PPP2R1B: variants seen among roughly 807,000 people sequenced by gnomAD.
PPP2R1B encodes serine/threonine-protein phosphatase 2A 65 kDa regulatory subunit A beta isoform.
A neutral mutation model predicts 72.7 loss-of-function variants in PPP2R1B; 58 were observed. That is an observed-to-expected ratio of 0.80 (90% CI 0.65 to 0.99). The LOEUF is 0.99. PPP2R1B is among the 50% of genes least tolerant of loss of function. The pLI, the probability that PPP2R1B is intolerant of heterozygous loss-of-function variation, is 0.00. For synonymous variants in PPP2R1B, 256 were observed against 264.6 expected, an observed-to-expected ratio of 0.97 and a Z score of 0.32; for missense variants, 695 against 733.6, an observed-to-expected ratio of 0.95 and a Z score of 0.61.
At chr11:111,735,335 C>T (rs1944308183), downstream of PPP2R1B, 1 of 152,230 alleles carries the variant, frequency 6.6e-6, no homozygotes, top group African/African-American at 2.4e-5. Context: ...CCTGCAATAA[C>T]AAGACTGACA....
chr11:111,725,599 C>G (rs1258844536), downstream of PPP2R1B: 1 of 152,674 alleles, frequency 6.5e-6, no homozygotes, highest in Non-Finnish European at 1.5e-5. Context: ...CTTGTCCCAT[C>G]AGCAGATGAA....
chr11:111,735,944 G>A (rs748695157), downstream of PPP2R1B, among the ~76,000 whole-genome samples: 38 of 152,248 alleles, frequency 2.5e-4, 1 homozygote, highest in Admixed American at 1.5e-3. Context: ...TCTCACCCTC[G>A]GGTCATTTTC....
rs151299858 is a variant in PPP2R1B at position 111,752,269 on chromosome 11, G to A, written c.1228C>T (p.Arg410Cys). The A allele has an allele frequency of 2.2e-5, 36 of 1,613,920 alleles. No homozygotes were observed. Among genetic ancestry groups the A allele is most frequent in the Middle Eastern group, 1.6e-4 (1 of 6,084 alleles). Residue 410 changes from arginine (R) to cysteine (C), a missense_variant, in exon 10 of 15, where the codon CGT becomes TGT. Physicochemically the swap from Arg to Cys is radical, Grantham distance 180. Transcript: ENST00000527614. Reference sequence around the variant, plus strand: ...GGAAGGAGAGACTGAGAGAGCTGACGGATTCCAATCACTTCATTTACACAA... The same window carrying A: ...GGAAGGAGAGACTGAGAGAGCTGACAGATTCCAATCACTTCATTTACACAA... ...LDCVNEVIGI[R>C]QLSQSLLPAI... is the part of the protein sequence containing the mutation.
At chr11:111,703,962 C>T in the PPP2R1B span, among the ~76,000 whole-genome samples, 2 of 152,094 alleles carry the variant, frequency 1.3e-5, no homozygotes, top group Admixed American at 6.6e-5. Flanking sequence ...TTTCTGTCCT[C>T]GAATAGTTAG....
Position 111,739,014 on chromosome 11 carries a change from C to A in PPP2R1B, c.*2582G>T, listed in dbSNP as rs1944431086. The A allele has an allele frequency of 6.1e-6, 6 of 984,508 alleles. No homozygotes were observed. Among genetic ancestry groups the A allele is most frequent in the Non-Finnish European group, 4.8e-6 (4 of 829,798 alleles). The allele number at this position is 984,508 out of a possible 1,614,324, so 61.0% of individuals were successfully genotyped here. A position where few individuals can be genotyped will look rare whatever the true frequency, so the allele number is the denominator to read the frequency against. On this transcript the variant is annotated 3_prime_UTR_variant, in exon 15 of 15. Coordinates refer to ENST00000527614, the MANE Select transcript of PPP2R1B (RefSeq NM_002716.5). ...ACATGTCTGAAGCAATCAGACAAAT[C>A]CACACAGAACTGTAGTCTAAGCCAG...
At chr11:111,732,247 T>C (rs922274934) in intron 15 of PPP2R1B, among the ~76,000 whole-genome samples, 1 of 152,184 alleles carries the variant, frequency 6.6e-6, no homozygotes, top group African/African-American at 2.4e-5. Flanking sequence ...CCCCTTGACA[T>C]GCAAGCTATG....
downstream of PPP2R1B, chr11:111,737,771 C>T (rs1224458898): frequency 2.3e-6 from 3 of 1,324,222 alleles, no homozygotes; most frequent in Non-Finnish European, 3.0e-6. Context: ...CCTCGGGGCC[C>T]TGGAAAGCGC....
At chr11:111,750,629 C>A (rs1053818012) in intron 10 of PPP2R1B, among the ~76,000 whole-genome samples, 1 of 152,146 alleles carries the variant, frequency 6.6e-6, no homozygotes, top group East Asian at 1.9e-4. Context: ...GTGCTACCAA[C>A]AGAGATGAAG....
At chr11:111,712,232 G>A in the PPP2R1B span, 1 of 1,614,220 alleles carries the variant, frequency 6.2e-7, no homozygotes, top group South Asian at 1.1e-5. Context: ...GGGGCTCCCA[G>A]TGACCATGCA....
At chr11:111,729,420 C>T (rs1239710393) in intron 15 of PPP2R1B, 1 of 152,242 alleles carries the variant, frequency 6.6e-6, no homozygotes, top group African/African-American at 2.4e-5. Flanking sequence ...CTCTTCTAAC[C>T]CTCACAACAA....
chr11:111,743,641 T>A, intron 11 of PPP2R1B, 111 bp from the exon 12 acceptor site: 2 of 1,270,362 alleles, frequency 1.6e-6, no homozygotes, highest in Non-Finnish European at 2.2e-6. Flanking sequence ...CCCTCTGCAA[T>A]CAGACTCCAC....
chr11:111,726,897 T>A, downstream of PPP2R1B: 2 of 1,483,052 alleles, frequency 1.3e-6, no homozygotes. Flanking sequence ...AGGTAAAAAT[T>A]TCGTTCGGCA....
the PPP2R1B span, among the ~76,000 whole-genome samples, chr11:111,689,986 A>G: frequency 5.1e-4 from 33 of 64,364 alleles, no homozygotes; most frequent in Admixed American, 1.3e-3. Flanking sequence ...GTGTATGTGT[A>G]TATATATATA....
chr11:111,688,941 A>AGTATATACAAACT, the PPP2R1B span, among the ~76,000 whole-genome samples: 1 of 152,256 alleles, frequency 6.6e-6, no homozygotes, highest in Non-Finnish European at 1.5e-5. The surrounding 1 kb of genome is among the most constrained non-coding windows in gnomAD (Gnocchi z 4.2). Flanking sequence ...CAATTTTAAA[A>AGTATATACAAACT]GTATATACAA....
chr11:111,702,022 T>C, the PPP2R1B span, among the ~76,000 whole-genome samples: 1 of 152,236 alleles, frequency 6.6e-6, no homozygotes, highest in African/African-American at 2.4e-5. Flanking sequence ...GTTACCTAGA[T>C]AGCAGTTAAG....
the PPP2R1B span, chr11:111,719,672 T>C: frequency 6.2e-6 from 7 of 1,132,488 alleles, no homozygotes; most frequent in Non-Finnish European, 9.0e-6. Flanking sequence ...TTAAATATTT[T>C]ACTTAATTTC....
At position 111,738,085 on chromosome 11, in the gene PPP2R1B, C is replaced by A; in HGVS notation, c.*3511G>T. ...GTACAGAGGACTGGAGGGAGACATG[C>A]GAGGGAAGAGGAAAGAGGAGAGTAA... is the stretch of plus-strand genomic sequence containing the variant. On this transcript the variant is annotated 3_prime_UTR_variant, in exon 15 of 15. Transcript: ENST00000527614. 1.0e-6 allele frequency: 1 copy of A among 989,336 alleles called. No individual in the cohort carries two copies. Among genetic ancestry groups the A allele is most frequent in the Admixed American group, 5.8e-5 (1 of 17,252 alleles). 61.3% of individuals were successfully genotyped at this position (989,336 alleles called of 1,614,324 possible). A position where few individuals can be genotyped will look rare whatever the true frequency, so the allele number is the denominator to read the frequency against.
At chr11:111,762,331 A>C (rs1468671208) in intron 3 of PPP2R1B, among the ~76,000 whole-genome samples, 1 of 152,208 alleles carries the variant, frequency 6.6e-6, no homozygotes, top group Non-Finnish European at 1.5e-5. Flanking sequence ...TCAGAAACTC[A>C]TTGAAAAGAT....
chr11:111,728,049 T>A (rs1339237266), intron 15 of PPP2R1B: 1 of 152,192 alleles, frequency 6.6e-6, no homozygotes, highest in African/African-American at 2.4e-5. Flanking sequence ...CAATATGCAG[T>A]GTGTCATTTC....
Sources: allele counts gnomAD v4.1 joint callset (sites outside exome capture counted in the v4.1 genomes callset), GRCh38; gene constraint gnomAD v4.1.1; non-coding constraint Gnocchi (gnomAD v3.1); transcripts MANE v1.5; gene names NCBI Gene and HGNC (gene_info 2026-07-23, HGNC 2026-07-21).